CASP5: variants seen among roughly 807,000 people sequenced by gnomAD.
CASP5 encodes caspase-5.
CASP5 carries 42 observed loss-of-function variants against 45.2 expected under a neutral mutation model. The observed-to-expected ratio is 0.93, with a 90% CI of 0.73 to 1.20. CASP5 has a LOEUF of 1.20. Among genes scored for constraint, CASP5 ranks in the 50% most tolerant of loss-of-function variants. The pLI, the probability that CASP5 is intolerant of heterozygous loss-of-function variation, is 0.00. For synonymous variants in CASP5, 209 were observed against 186.2 expected (o/e 1.12, Z -1.00); for missense variants, 512 against 532.2 (o/e 0.96, Z 0.37).
intron 5 of CASP5, among the ~76,000 whole-genome samples, chr11:105,001,611 C>T (rs565971226): frequency 2.6e-3 from 396 of 152,244 alleles, no homozygotes; most frequent in African/African-American, 9.1e-3. Flanking sequence ...GAGCCAAGAT[C>T]ACGCCACTAC....
chr11:105,009,349 A>G (rs1862159326), intron 1 of CASP5, among the ~76,000 whole-genome samples: 1 of 151,702 alleles, frequency 6.6e-6, no homozygotes. Flanking sequence ...TCTTGTCTAG[A>G]CTGTAAATTA....
chr11:105,009,379 T>G (rs1325921245), intron 1 of CASP5, among the ~76,000 whole-genome samples: 1 of 151,846 alleles, frequency 6.6e-6, no homozygotes, highest in Non-Finnish European at 1.5e-5. Flanking sequence ...GACTGCAGGA[T>G]CTTTCCTTTT....
chr11:105,008,913 T>A lies in CASP5; in HGVS notation c.75A>T (p.Gly25=), dbSNP rs1418179920. 2 of 1,612,954 alleles carry A rather than the reference T, an allele frequency of 1.2e-6. No homozygotes were observed. The highest frequency in any genetic ancestry group is 2.2e-5 in the South Asian group (2 of 91,062). ...TGTGGTTTATCACGAAGTTATCCAA[T>A]CCACTCTGAAGGATACCTTTGAACA... The part of the protein sequence containing the change: ...EAMFKGILQS[G]LDNFVINHML... Residue 25 remains glycine (G), a synonymous_variant, in exon 2 of 10, where the codon GGA becomes GGT. Transcript: ENST00000260315.
intron 1 of CASP5, among the ~76,000 whole-genome samples, chr11:105,016,456 G>A (rs536980889): frequency 2.0e-4 from 31 of 152,316 alleles, no homozygotes; most frequent in African/African-American, 5.3e-4. Flanking sequence ...TGCGTGCACC[G>A]TGTGCAAGCC....
intron 6 of CASP5, among the ~76,000 whole-genome samples, chr11:104,999,466 A>G (rs1861621650): frequency 6.6e-6 from 1 of 152,294 alleles, no homozygotes; most frequent in South Asian, 2.1e-4. Flanking sequence ...ATTGATGGAC[A>G]TTTGGGTTGG....
intron 7 of CASP5, among the ~76,000 whole-genome samples, chr11:104,998,277 A>G (rs1861555481): frequency 6.6e-6 from 1 of 152,214 alleles, no homozygotes; most frequent in African/African-American, 2.4e-5. Flanking sequence ...GTTTAAAAAT[A>G]AGACTTGAAA....
chr11:105,015,312 A>G (rs1862533877), intron 1 of CASP5, among the ~76,000 whole-genome samples: 1 of 152,252 alleles, frequency 6.6e-6, no homozygotes, highest in Admixed American at 6.5e-5. Flanking sequence ...ATTCAGTCAC[A>G]GAGAGTGCAA....
intron 1 of CASP5, among the ~76,000 whole-genome samples, chr11:105,010,166 T>A (rs1055427420): frequency 6.6e-6 from 1 of 150,868 alleles, no homozygotes; most frequent in Non-Finnish European, 1.5e-5. Context: ...CCAGACTCAT[T>A]TTCCAGGTTA....
chr11:105,009,757 ATACACACACACACG>A lies in CASP5; in HGVS notation c.8-791_8-778del, dbSNP rs1226659578. 1.9e-3 allele frequency among the ~76,000 whole-genome samples: 158 copies of A among 81,908 alleles called. 1 individual carries two copies. Among genetic ancestry groups the A allele is most frequent in the Middle Eastern group, 6.8e-3 (1 of 148 alleles). 53.7% of individuals were successfully genotyped at this position (81,908 alleles called of 152,430 possible). On this transcript the variant is annotated intron_variant, in intron 1 of 9. Coordinates refer to ENST00000260315, the MANE Select transcript of CASP5 (RefSeq NM_004347.5). Reference sequence around the variant, plus strand: ...TATATATATATATATATATATATATATACACACACACACGTATATATATATATATACACACGTAT... The same window carrying A: ...TATATATATATATATATATATATATATATATATATATATATACACACGTAT...
chr11:105,003,355 A>C lies in CASP5; in HGVS notation c.462T>G (p.Pro154=). The C allele has an allele frequency of 6.2e-7, 1 of 1,603,056 alleles. No homozygotes were observed. Among genetic ancestry groups the C allele is most frequent in the East Asian group, 2.3e-5 (1 of 44,170 alleles). ...GTATATTTGTAGATTCTGCTGACTC[A>C]GGTGGTCCAGCCTCGATTTGCAGAA... is the stretch of plus-strand genomic sequence containing the variant. The part of the protein sequence containing the change: ...KPLLQIEAGP[P]ESAESTNILK... Residue 154 remains proline (P), a synonymous_variant, in exon 4 of 10, where the codon CCT becomes CCG. Transcript: ENST00000260315.
Position 105,023,130 on chromosome 11 carries a change from C to T in CASP5, c.7G>A (p.Glu3Lys), listed in dbSNP as rs1318234580. 1 of 1,550,980 alleles carries T rather than the reference C, an allele frequency of 6.4e-7. No homozygotes were observed. Among genetic ancestry groups the T allele is most frequent in the Non-Finnish European group, 8.7e-7 (1 of 1,146,484 alleles). ...TAGTCAGAAAAGGGCCCAGACTCAC[C>T]AGCCATAGCTAACAGCCTCTGTCTC... MA[E>K]DSGKKKRRKN... Residue 3 changes from glutamate to lysine, a missense_variant and splice_region_variant, in exon 1 of 10, where the codon GAA becomes AAA. Glu to Lys is a moderately conservative substitution (Grantham distance 56). Coordinates refer to ENST00000260315, the MANE Select transcript of CASP5 (RefSeq NM_004347.5).
At chr11:105,016,784 C>T (rs957351278) in intron 1 of CASP5, among the ~76,000 whole-genome samples, 3 of 152,150 alleles carry the variant, frequency 2.0e-5, no homozygotes, top group South Asian at 2.1e-4. Flanking sequence ...CCAGGAAGCT[C>T]GAACTGGGTG....
At position 105,023,137 on chromosome 11, in the gene CASP5, A is replaced by G. The variant is rs1198502468; in HGVS notation, c.-1T>C. On this transcript the variant is annotated 5_prime_UTR_variant, in exon 1 of 10. Transcript: ENST00000260315. ...AAAAGGGCCCAGACTCACCAGCCATAGCTAACAGCCTCTGTCTCTTTGTAC... is the reference window on the plus strand; with the variant it reads ...AAAAGGGCCCAGACTCACCAGCCATGGCTAACAGCCTCTGTCTCTTTGTAC... 6.4e-7 allele frequency: 1 copy of G among 1,551,134 alleles called. No individual in the cohort carries two copies. Among genetic ancestry groups the G allele is most frequent in the Non-Finnish European group, 8.7e-7 (1 of 1,146,484 alleles).
intron 1 of CASP5, among the ~76,000 whole-genome samples, chr11:105,016,979 C>T (rs563410315): frequency 1.5e-3 from 225 of 149,616 alleles, no homozygotes; most frequent in Admixed American, 3.6e-3. Context: ...AGACTGCCTC[C>T]TCAAGTGGGT....
At chr11:104,994,773 G>A (rs1861381018) in intron 9 of CASP5, among the ~76,000 whole-genome samples, 1 of 152,142 alleles carries the variant, frequency 6.6e-6, no homozygotes, top group African/African-American at 2.4e-5. Context: ...CTTGTATTCT[G>A]TGCTGGAACA....
chr11:105,020,947 G>T (rs1052500036), intron 1 of CASP5, among the ~76,000 whole-genome samples: 5 of 152,020 alleles, frequency 3.3e-5, no homozygotes, highest in Non-Finnish European at 7.4e-5. Flanking sequence ...CATGGTACTG[G>T]TACCAACACA....
intron 3 of CASP5, among the ~76,000 whole-genome samples, chr11:105,005,426 G>A (rs1347502637): frequency 6.7e-6 from 1 of 149,832 alleles, no homozygotes; most frequent in African/African-American, 2.4e-5. Context: ...TGAATAGCTA[G>A]GATTCTTCTT....
chr11:105,019,844 AC>A (rs1038139217), intron 1 of CASP5, among the ~76,000 whole-genome samples: 1 of 145,130 alleles, frequency 6.9e-6, no homozygotes, highest in Non-Finnish European at 1.5e-5. Flanking sequence ...CCGGGCAGAG[AC>A]ACAACCAAAA....
In CASP5 at chr11:105,009,048, A is replaced by G. The variant is rs768218078; in HGVS notation, c.8-68T>C. The G allele has an allele frequency of 2.1e-6, 3 of 1,411,474 alleles. No homozygotes were observed. In the Admixed American group the frequency reaches 5.6e-5, roughly 26 times the overall value. 87.4% of individuals were successfully genotyped at this position (1,411,474 alleles called of 1,614,324 possible). Reference sequence around the variant, plus strand: ...AAAGAGTTTTGCCCTTGCTTTAGACAAAGCTCTGTAATGTGAAACACCCTT... The same window carrying G: ...AAAGAGTTTTGCCCTTGCTTTAGACGAAGCTCTGTAATGTGAAACACCCTT... On this transcript the variant is annotated intron_variant, in intron 1 of 9. Coordinates refer to ENST00000260315, the MANE Select transcript of CASP5 (RefSeq NM_004347.5).
Sources: gnomAD v4.1 joint callset for allele counts (sites outside exome capture counted in the v4.1 genomes callset) on GRCh38, gnomAD v4.1.1 for gene constraint, MANE v1.5 for transcripts, NCBI Gene and HGNC (gene_info 2026-07-23, HGNC 2026-07-21) for gene names.